The following PDE6B variants were observed in gnomAD, a reference collection of about 807,000 sequenced individuals.
PDE6B encodes the protein phosphodiesterase 6B, also known as rod cGMP-specific 3',5'-cyclic phosphodiesterase subunit beta.
PDE6B carries 106 observed loss-of-function variants against 109.0 expected under a neutral mutation model. The ratio of observed to expected loss-of-function variants is 0.97; its 90% CI spans 0.83 to 1.14. The LOEUF (loss-of-function observed/expected upper bound fraction) is 1.14, where lower values mean the gene tolerates loss of function less well. PDE6B is among the 50% of genes most tolerant of loss of function. The probability of loss-of-function intolerance (pLI) is 0.00; values close to 1 mark genes in which losing one functional copy is unlikely to be tolerated. For synonymous variants in PDE6B, 490 were observed against 471.3 expected (o/e 1.04, Z -0.51); for missense variants, 1,193 against 1,155.6 (o/e 1.03, Z -0.47).
At chr4:643,093 A>C (rs1043883592) in intron 3 of PDE6B, among the ~76,000 whole-genome samples, 1 of 152,084 alleles carries the variant, frequency 6.6e-6, no homozygotes, top group Non-Finnish European at 1.5e-5. Context: ...GCGGATCACG[A>C]GGTCAAGAGA....
intron 5 of PDE6B, chr4:654,556 G>A: frequency 1.6e-6 from 1 of 606,228 alleles, no homozygotes. Context: ...CGCGGCGTGT[G>A]ATGCGTGTCC....
intron 1 of PDE6B, among the ~76,000 whole-genome samples, chr4:629,182 G>C (rs913470597): frequency 7.9e-5 from 12 of 152,236 alleles, no homozygotes; most frequent in African/African-American, 2.9e-4. Flanking sequence ...GTCGGGTGCA[G>C]AGAGGGAGGA....
chr4:660,209 TCAA>T (rs1190546741), intron 11 of PDE6B, among the ~76,000 whole-genome samples: 9 of 152,180 alleles, frequency 5.9e-5, no homozygotes, highest in Non-Finnish European at 1.0e-4. Context: ...TTTTCTTGTC[TCAA>T]CAACATCACC....
Position 663,605 on chromosome 4 carries a change from C to G in PDE6B, c.1921-165C>G. ...GAGCCGCTGGTGGAGAGCTGGGCAC[C>G]CTGAGGAGGGCCCTGAGCAGCAGGC... is the stretch of plus-strand genomic sequence containing the variant. On this transcript the variant is annotated intron_variant, in intron 15 of 21. Coordinates refer to ENST00000496514, the MANE Select transcript of PDE6B (RefSeq NM_000283.4). The surrounding 1 kb of genome is among the most constrained non-coding windows in gnomAD (Gnocchi z 4.0). The G allele has an allele frequency of 3.0e-6, 2 of 666,052 alleles. No individual in the cohort carries two copies. The highest frequency in any genetic ancestry group is 3.4e-5 in the South Asian group (2 of 59,304). The allele number at this position is 666,052 out of a possible 1,614,324, so 41.3% of individuals were successfully genotyped here.
At chr4:655,746 T>A in intron 6 of PDE6B, 194 bp from the exon 7 acceptor site, 1 of 655,576 alleles carries the variant, frequency 1.5e-6, no homozygotes, top group Non-Finnish European at 2.8e-6. Flanking sequence ...TACACCTACA[T>A]CCAGCGCAGC....
intron 6 of PDE6B, chr4:655,457 T>G: frequency 3.4e-6 from 1 of 293,896 alleles, no homozygotes; most frequent in Non-Finnish European, 6.6e-6. Flanking sequence ...TGAGCACAAG[T>G]CAGGGTCAGG....
At chr4:631,342 G>T (rs1734373804) in intron 1 of PDE6B, among the ~76,000 whole-genome samples, 1 of 152,224 alleles carries the variant, frequency 6.6e-6, no homozygotes, top group Admixed American at 6.5e-5. Flanking sequence ...AAGTGAGGCT[G>T]AACATTGATC....
At position 665,423 on chromosome 4, in the gene PDE6B, CA is replaced by C. The variant is rs559270293; in HGVS notation, c.2268+95del. On this transcript the variant is annotated intron_variant, in intron 19 of 21. Coordinates refer to ENST00000496514, the MANE Select transcript of PDE6B (RefSeq NM_000283.4). The surrounding 1 kb of genome is among the most constrained non-coding windows in gnomAD (Gnocchi z 4.0). ...CCTCAGGTCCTGGCTTGGTCTCAGGCAGGGGGTTCTGAGGTCGTGGGGTCCT... is the reference window on the plus strand; with the variant it reads ...CCTCAGGTCCTGGCTTGGTCTCAGGCGGGGGTTCTGAGGTCGTGGGGTCCT... 72 of 861,742 alleles carry C rather than the reference CA, an allele frequency of 8.4e-5. No homozygotes were observed. In the African/African-American group the frequency reaches 1.1e-3, roughly 13 times the overall value. The allele number at this position is 861,742 out of a possible 1,614,324, so 53.4% of individuals were successfully genotyped here. A position where few individuals can be genotyped will look rare whatever the true frequency, so the allele number is the denominator to read the frequency against.
chr4:668,547 C>T (rs1189017099), intron 21 of PDE6B, among the ~76,000 whole-genome samples: 4 of 135,214 alleles, frequency 3.0e-5, no homozygotes, highest in African/African-American at 8.8e-5. Context: ...ATTCCCGCTA[C>T]CCCATGCTAT....
Position 656,236 on chromosome 4 carries a change from C to G in PDE6B, c.1060-9C>G, listed in dbSNP as rs2109209673. On this transcript the variant is annotated splice_polypyrimidine_tract_variant and intron_variant, in intron 7 of 21. Transcript: ENST00000496514. The stretch of plus-strand genomic sequence containing the variant: ...TTTGGATGAAATCGTTTTTCTGATG[C>G]TTTTTCAGATTTGTAACATCATGAA... 1 of 1,586,926 alleles carries G rather than the reference C, an allele frequency of 6.3e-7. No individual in the cohort carries two copies. The highest frequency in any genetic ancestry group is 8.7e-7 in the Non-Finnish European group (1 of 1,155,424).
rs769665986 is a variant in PDE6B at position 656,014 on chromosome 4, C to G, written c.1059+8C>G. ...GTGGCAGAAAGCGGCTTTGTGAGTC[C>G]CGTGCTGTCTGGAGTCCCCACAGCC... On this transcript the variant is annotated splice_region_variant and intron_variant, in intron 7 of 21. Coordinates refer to ENST00000496514, the MANE Select transcript of PDE6B (RefSeq NM_000283.4). The G allele has an allele frequency of 6.4e-7, 1 of 1,571,766 alleles. No individual in the cohort carries two copies. Among genetic ancestry groups the G allele is most frequent in the Non-Finnish European group, 8.8e-7 (1 of 1,142,116 alleles).
chr4:659,910 C>T (rs1378718593), intron 11 of PDE6B, among the ~76,000 whole-genome samples: 1 of 152,222 alleles, frequency 6.6e-6, no homozygotes, highest in African/African-American at 2.4e-5. Context: ...CTCCCGGGGC[C>T]ACGAGCCTTG....
intron 1 of PDE6B, among the ~76,000 whole-genome samples, chr4:628,270 G>T (rs764945822): frequency 2.6e-5 from 4 of 152,206 alleles, no homozygotes; most frequent in South Asian, 2.1e-4. Flanking sequence ...TTTACAGAAG[G>T]GGGGACTGAG....
chr4:655,017 C>G, intron 6 of PDE6B, 129 bp downstream of exon 6: 1 of 733,202 alleles, frequency 1.4e-6, no homozygotes, highest in South Asian at 1.4e-5. Context: ...GGCCTGGCCC[C>G]ACCTGTGGTG....
At chr4:643,247 G>A (rs1735030631) in intron 3 of PDE6B, among the ~76,000 whole-genome samples, 1 of 151,956 alleles carries the variant, frequency 6.6e-6, no homozygotes, top group Non-Finnish European at 1.5e-5. Flanking sequence ...AGTGGAGGTT[G>A]CAGCGAGCCA....
chr4:658,800 G>A, intron 10 of PDE6B, 152 bp from the exon 11 acceptor site: 1 of 682,664 alleles, frequency 1.5e-6, no homozygotes, highest in Non-Finnish European at 2.7e-6. Flanking sequence ...ACGGTCATTT[G>A]TCTCCAGATC....
chr4:649,688 G>GAAGACT (rs1560112951), intron 3 of PDE6B, among the ~76,000 whole-genome samples: 2 of 152,086 alleles, frequency 1.3e-5, no homozygotes, highest in East Asian at 3.9e-4. Context: ...AAAGGCCTGG[G>GAAGACT]GTTGGGACCG....
rs747291069 is a variant in PDE6B at position 666,502 on chromosome 4, G to A, written c.2269-29G>A. 1 of 1,552,016 alleles carries A rather than the reference G, an allele frequency of 6.4e-7. No individual in the cohort carries two copies. The highest frequency in any genetic ancestry group is 1.7e-5 in the Admixed American group (1 of 59,956). On this transcript the variant is annotated intron_variant, in intron 19 of 21. Coordinates refer to ENST00000496514, the MANE Select transcript of PDE6B (RefSeq NM_000283.4). This position sits in a 1 kb window ranked among gnomAD's most constrained non-coding sequence, Gnocchi z 5.6. Reference sequence around the variant, plus strand: ...CCCAGGAGCTGCCTCCCTGGTCACTGTTCTCCCGCCCTCTGTTCCTCCCAC... The same window carrying A: ...CCCAGGAGCTGCCTCCCTGGTCACTATTCTCCCGCCCTCTGTTCCTCCCAC...
chr4:667,083 A>G (rs1456643040), intron 20 of PDE6B, among the ~76,000 whole-genome samples: 1 of 152,208 alleles, frequency 6.6e-6, no homozygotes, highest in Non-Finnish European at 1.5e-5. Context: ...CATCCCTGCC[A>G]ATCTGCCACA....
Sources: gnomAD v4.1 joint callset for allele counts (sites outside exome capture counted in the v4.1 genomes callset) on GRCh38, gnomAD v4.1.1 for gene constraint, Gnocchi (gnomAD v3.1) non-coding constraint, MANE v1.5 for transcripts, NCBI Gene and HGNC (gene_info 2026-07-23, HGNC 2026-07-21) for gene names.